The following TSGA10 variants were observed in gnomAD, a reference collection of about 807,000 sequenced individuals.
The protein encoded by TSGA10 is testis-specific gene 10 protein.
Under a neutral mutation model 96.6 loss-of-function variants are expected in TSGA10, and 43 were observed. That is an observed-to-expected ratio of 0.44 (90% CI 0.35 to 0.57). The LOEUF (loss-of-function observed/expected upper bound fraction) is 0.57. Ranked by LOEUF, TSGA10 falls within the 20% of genes least tolerant of loss-of-function variation. The probability of loss-of-function intolerance (pLI) is 0.01; values close to 1 mark genes in which losing one functional copy is unlikely to be tolerated. For missense variants in TSGA10, 703 were observed against 834.4 expected (o/e 0.84, Z 1.94); for synonymous variants, 229 against 269.9 (o/e 0.85, Z 1.48).
At chr2:99,107,199 C>T (rs1158831074) in intron 7 of TSGA10, among the ~76,000 whole-genome samples, 1 of 152,182 alleles carries the variant, frequency 6.6e-6, no homozygotes, top group Non-Finnish European at 1.5e-5. Context: ...AATCTTCCTT[C>T]ACAGGGTCTT....
intron 1 of TSGA10, among the ~76,000 whole-genome samples, chr2:99,132,831 G>T (rs547553463): frequency 1.3e-5 from 2 of 152,252 alleles, no homozygotes; most frequent in African/African-American, 4.8e-5. Context: ...TGGTTTCAAA[G>T]AACTTAATTC....
intron 20 of TSGA10, 125 bp from the exon 21 acceptor site, chr2:98,998,346 G>A: frequency 2.7e-6 from 2 of 737,280 alleles, no homozygotes; most frequent in South Asian, 2.0e-5. Flanking sequence ...TTCTATGAAG[G>A]AAAACAAAAA....
chr2:99,053,599 A>G (rs771566470), intron 16 of TSGA10, among the ~76,000 whole-genome samples: 7 of 152,194 alleles, frequency 4.6e-5, no homozygotes, highest in Non-Finnish European at 7.3e-5. Flanking sequence ...TAAAGAAACT[A>G]GGTATAGAAG....
In TSGA10 at chr2:99,090,835, C is replaced by T. The variant is rs1425337407; in HGVS notation, c.612-9438G>A. Among the ~76,000 whole-genome samples the T allele has an allele frequency of 7.2e-5, 11 of 152,234 alleles. No individual in the cohort carries two copies. The East Asian group carries it at 1.9e-3, about 27-fold the overall frequency. On this transcript the variant is annotated intron_variant, in intron 10 of 20. Coordinates refer to ENST00000393483, the MANE Select transcript of TSGA10 (RefSeq NM_025244.4). ...CTGCGGAAGAAGAGAAATCTAAAAG[C>T]ATGGGAAACGTATTTGGGGGAATAA... is the stretch of plus-strand genomic sequence containing the variant.
intron 1 of TSGA10, among the ~76,000 whole-genome samples, chr2:99,128,334 A>T (rs569776617): frequency 6.6e-6 from 1 of 152,344 alleles, no homozygotes; most frequent in East Asian, 1.9e-4. Context: ...ATTTCAAATT[A>T]TGAAGCATTT....
intron 10 of TSGA10, among the ~76,000 whole-genome samples, chr2:99,098,579 A>G (rs1168995233): frequency 6.8e-6 from 1 of 147,316 alleles, no homozygotes. Context: ...AATAAGAACA[A>G]AAGTAATGAA....
chr2:99,154,892 C>A lies in TSGA10; in HGVS notation c.-820G>T, dbSNP rs1371996732. ...CGGCTCCGCAGGCGGAGAGACTAGGCGCGATCCCTGCGCGCCCCTCCTTCT... is the reference window on the plus strand; with the variant it reads ...CGGCTCCGCAGGCGGAGAGACTAGGAGCGATCCCTGCGCGCCCCTCCTTCT... On this transcript the variant is annotated 5_prime_UTR_variant, in exon 1 of 21. Transcript: ENST00000393483. 1 of 406,072 alleles carries A rather than the reference C, an allele frequency of 2.5e-6. No individual in the cohort carries two copies. Among genetic ancestry groups the A allele is most frequent in the Non-Finnish European group, 5.0e-6 (1 of 201,558 alleles). 25.2% of individuals were successfully genotyped at this position (406,072 alleles called of 1,614,324 possible).
chr2:99,063,817 A>T (rs1381527276), intron 16 of TSGA10, among the ~76,000 whole-genome samples: 1 of 152,030 alleles, frequency 6.6e-6, no homozygotes, highest in Non-Finnish European at 1.5e-5. Context: ...AAAAATATAT[A>T]TATATGAAAA....
intron 17 of TSGA10, among the ~76,000 whole-genome samples, chr2:99,030,282 G>A (rs938710894): frequency 1.3e-5 from 2 of 152,120 alleles, no homozygotes; most frequent in African/African-American, 4.8e-5. Flanking sequence ...GGGAGGTGGA[G>A]GTTGCAGTGA....
intron 12 of TSGA10, among the ~76,000 whole-genome samples, chr2:99,077,669 C>T (rs979313409): frequency 9.2e-5 from 14 of 152,104 alleles, no homozygotes; most frequent in Non-Finnish European, 1.8e-4. Context: ...TCAAGCGAGT[C>T]TCCTGACTCA....
chr2:99,045,989 A>G lies in TSGA10; in HGVS notation c.1405-10550T>C, dbSNP rs779863300. On this transcript the variant is annotated intron_variant, in intron 16 of 20. Coordinates refer to ENST00000393483, the MANE Select transcript of TSGA10 (RefSeq NM_025244.4). Reference sequence around the variant, plus strand: ...AAGAGACAAAGAAGGCCATTACATAATGGTAAAGGGATCAATTCAACAAGA... The same window carrying G: ...AAGAGACAAAGAAGGCCATTACATAGTGGTAAAGGGATCAATTCAACAAGA... Among the ~76,000 whole-genome samples, 38 of 152,340 alleles carry G rather than the reference A, an allele frequency of 2.5e-4. No homozygotes were observed. The Middle Eastern group carries it at 0.02, about 82-fold the overall frequency.
chr2:99,052,441 C>A (rs2083486386), intron 16 of TSGA10, among the ~76,000 whole-genome samples: 1 of 151,938 alleles, frequency 6.6e-6, no homozygotes. Flanking sequence ...CCTGAAGAGA[C>A]CAAAGCAAGT....
At chr2:99,009,606 T>G (rs2078832794) in intron 20 of TSGA10, among the ~76,000 whole-genome samples, 5 of 144,860 alleles carry the variant, frequency 3.5e-5, no homozygotes, top group East Asian at 4.1e-4. Flanking sequence ...AAAGTTGGCC[T>G]GTTTATTGTG....
rs2079897108 is a variant in TSGA10, at chr2:99,020,462, A to G, written c.1635T>C (p.Ser545=). ...EIEMRENELD[S]AHSEIELLRS... is the part of the protein sequence containing the mutation. ...TCAGGAGTTCAATTTCAGAATGAGC[A>G]GAATCTAACTCATTCTCCCTCTGTT... The change falls in exon 18 of 21, where the codon TCT becomes TCC. Residue 545 remains serine (S), a synonymous_variant. Coordinates refer to ENST00000393483, the MANE Select transcript of TSGA10 (RefSeq NM_025244.4). 1 of 1,611,312 alleles carries G rather than the reference A, an allele frequency of 6.2e-7. No individual in the cohort carries two copies. The highest frequency in any genetic ancestry group is 8.5e-7 in the Non-Finnish European group (1 of 1,177,644).
At chr2:99,019,423 A>G (rs2079817408) in intron 18 of TSGA10, among the ~76,000 whole-genome samples, 1 of 152,204 alleles carries the variant, frequency 6.6e-6, no homozygotes, top group South Asian at 2.1e-4. Flanking sequence ...AACCTGTTGA[A>G]GGAATCATAA....
intron 20 of TSGA10, among the ~76,000 whole-genome samples, chr2:99,014,916 T>A (rs1424138250): frequency 6.6e-6 from 1 of 152,142 alleles, no homozygotes. Context: ...CCTGGAGATA[T>A]ACAACTCTCC....
intron 4 of TSGA10, among the ~76,000 whole-genome samples, chr2:99,112,086 G>A (rs1038999342): frequency 6.6e-6 from 1 of 152,060 alleles, no homozygotes; most frequent in Admixed American, 6.6e-5. Flanking sequence ...TTAAAAAAAT[G>A]TTGATTCCAC....
intron 20 of TSGA10, among the ~76,000 whole-genome samples, chr2:98,998,888 T>C (rs2077655860): frequency 6.6e-6 from 1 of 152,120 alleles, no homozygotes. Flanking sequence ...AATCATTCTA[T>C]TTTTATTTTT....
chr2:99,125,660 T>C (rs1484095721), intron 2 of TSGA10: 6 of 152,234 alleles, frequency 3.9e-5, no homozygotes, highest in Non-Finnish European at 7.3e-5. Flanking sequence ...CCTGTGACAA[T>C]GCTCCAACTA....
Sources: allele counts gnomAD v4.1 joint callset (sites outside exome capture counted in the v4.1 genomes callset), GRCh38; gene constraint gnomAD v4.1.1; transcripts MANE v1.5; gene names NCBI Gene and HGNC (gene_info 2026-07-23, HGNC 2026-07-21).